Variants in ZNF383 observed in about 807,000 individuals in gnomAD.
The protein encoded by ZNF383 is zinc finger protein 383.
ZNF383 carries 32 observed loss-of-function variants against 44.2 expected under a neutral mutation model. That is an observed-to-expected ratio of 0.72 (90% CI 0.55 to 0.97). ZNF383 has a LOEUF of 0.97. Ranked by LOEUF, ZNF383 falls within the 50% of genes least tolerant of loss-of-function variation. ZNF383 has a pLI of 0.00. For missense variants in ZNF383, 487 were observed against 562.5 expected, an observed-to-expected ratio of 0.87 and a Z score of 1.36; for synonymous variants, 155 against 186.2, an observed-to-expected ratio of 0.83 and a Z score of 1.36.
chr19:37,230,741 A>C (rs1973448535), intron 3 of ZNF383, among the ~76,000 whole-genome samples: 1 of 152,216 alleles, frequency 6.6e-6, no homozygotes, highest in Admixed American at 6.5e-5. Context: ...AATTATCTCA[A>C]GGAAGCAAGA....
chr19:37,245,134 G>A lies in ZNF383; in HGVS notation c.*1470G>A, dbSNP rs12983699. The A allele has an allele frequency of 2.0e-5, 3 of 151,662 alleles. No individual in the cohort carries two copies. The highest frequency in any genetic ancestry group is 1.3e-4 in the Admixed American group (2 of 15,242). The allele number at this position is 151,662 out of a possible 1,614,324, so 9.4% of individuals were successfully genotyped here. On this transcript the variant is annotated 3_prime_UTR_variant, in exon 6 of 6. Coordinates refer to ENST00000684119, the MANE Select transcript of ZNF383 (RefSeq NM_001387601.1). Reference sequence around the variant, plus strand: ...TGAAACCCCGTCTCTACTTAGCTGGGCGTGGTGGCATGTACCTGTAATCCC... The same window carrying A: ...TGAAACCCCGTCTCTACTTAGCTGGACGTGGTGGCATGTACCTGTAATCCC...
chr19:37,242,808 T>G lies in ZNF383; in HGVS notation c.572T>G (p.Ile191Ser), dbSNP rs554647012. 5 of 1,614,116 alleles carry G rather than the reference T, an allele frequency of 3.1e-6. No homozygotes were observed. The highest frequency in any genetic ancestry group is 2.7e-5 in the African/African-American group (2 of 75,046). The change falls in exon 6 of 6, where the codon ATT becomes AGT. Residue 191 changes from isoleucine to serine, a missense_variant. Transcript: ENST00000684119. ...TCACAATTTATTCAACATCAGAGAA[T>G]TCATATTGGTGAAAAATCTTATGAA... is the stretch of plus-strand genomic sequence containing the variant. ...QNSQFIQHQR[I>S]HIGEKSYECK...
intron 2 of ZNF383, among the ~76,000 whole-genome samples, chr19:37,228,238 G>A (rs961036315): frequency 1.3e-5 from 2 of 152,168 alleles, no homozygotes; most frequent in Non-Finnish European, 2.9e-5. Flanking sequence ...CCCAGTCTGG[G>A]CATAACAGAG....
At chr19:37,237,075 G>C (rs950922484) in intron 5 of ZNF383, among the ~76,000 whole-genome samples, 1 of 151,850 alleles carries the variant, frequency 6.6e-6, no homozygotes, top group African/African-American at 2.4e-5. Context: ...TTATCAGACT[G>C]TCTTCAATGT....
intron 3 of ZNF383, among the ~76,000 whole-genome samples, chr19:37,231,690 A>T (rs1255927835): frequency 2.0e-5 from 3 of 152,154 alleles, no homozygotes; most frequent in Non-Finnish European, 4.4e-5. Context: ...CAAACTGATT[A>T]TAGTTGTGTT....
rs370055904 is a variant in ZNF383 at position 37,242,684 on chromosome 19, A to G, written c.448A>G (p.Thr150Ala). The G allele has an allele frequency of 2.1e-5, 34 of 1,613,986 alleles. No homozygotes were observed. The highest frequency in any genetic ancestry group is 2.5e-5 in the Non-Finnish European group (29 of 1,179,854). Residue 150 changes from threonine (T) to alanine (A), a missense_variant, in exon 6 of 6, where the codon ACA becomes GCA. By Grantham distance (58) the Thr-to-Ala change is moderately conservative (BLOSUM62 0). Transcript: ENST00000684119. ...AATATTCACTCCTGAATACATGCCC[A>G]CATTTATTCAACAGACATTCCTTAC... is the stretch of plus-strand genomic sequence containing the variant. ...QEIFTPEYMP[T>A]FIQQTFLTLH...
intron 1 of ZNF383, among the ~76,000 whole-genome samples, chr19:37,223,272 T>C (rs915885756): frequency 6.6e-6 from 1 of 152,234 alleles, no homozygotes; most frequent in Non-Finnish European, 1.5e-5. Flanking sequence ...CAAATGCATA[T>C]GAGACATTTA....
At chr19:37,229,042 T>G (rs1462518579) in intron 2 of ZNF383, among the ~76,000 whole-genome samples, 1 of 152,070 alleles carries the variant, frequency 6.6e-6, no homozygotes, top group African/African-American at 2.4e-5. Flanking sequence ...TAAGTTTTCA[T>G]TAGTTGGCTA....
intron 1 of ZNF383, among the ~76,000 whole-genome samples, chr19:37,220,042 T>C (rs757953868): frequency 2.0e-5 from 3 of 151,932 alleles, no homozygotes; most frequent in Admixed American, 1.3e-4. Flanking sequence ...ATTTAGAAAA[T>C]AGGGAGTTAC....
intron 5 of ZNF383, among the ~76,000 whole-genome samples, chr19:37,241,007 A>G (rs1482075367): frequency 6.6e-6 from 1 of 152,150 alleles, no homozygotes; most frequent in Non-Finnish European, 1.5e-5. Context: ...GGGTTTCACC[A>G]TGCTGGCCAG....
At chr19:37,220,515 G>A (rs1269543822) in intron 1 of ZNF383, among the ~76,000 whole-genome samples, 1 of 150,702 alleles carries the variant, frequency 6.6e-6, no homozygotes, top group Admixed American at 6.6e-5. Flanking sequence ...GCCTCCCAAA[G>A]TGCTGGGTTT....
In ZNF383 at chr19:37,248,521, C is replaced by T. The variant is rs1341567823; in HGVS notation, c.*4857C>T. The T allele has an allele frequency of 6.6e-6, 1 of 152,126 alleles. No homozygotes were observed. Among genetic ancestry groups the T allele is most frequent in the African/African-American group, 2.4e-5 (1 of 41,442 alleles). 9.4% of individuals were successfully genotyped at this position (152,126 alleles called of 1,614,324 possible). On this transcript the variant is annotated 3_prime_UTR_variant, in exon 6 of 6. Coordinates refer to ENST00000684119, the MANE Select transcript of ZNF383 (RefSeq NM_001387601.1). Reference sequence around the variant, plus strand: ...AATTGATTTAGATAAGATTGTATTTCTTAGTGTCTGAACTCAGGAACCAAA... The same window carrying T: ...AATTGATTTAGATAAGATTGTATTTTTTAGTGTCTGAACTCAGGAACCAAA...
chr19:37,240,423 A>G (rs899107925), intron 5 of ZNF383, among the ~76,000 whole-genome samples: 2 of 152,230 alleles, frequency 1.3e-5, no homozygotes, highest in Non-Finnish European at 2.9e-5. Flanking sequence ...ACAGATGAAG[A>G]AATGGTAGCT....
chr19:37,243,202 C>T lies in ZNF383; in HGVS notation c.966C>T (p.Ser322=). Residue 322 remains serine, a synonymous_variant, in exon 6 of 6, where the codon AGC becomes AGT. Transcript: ENST00000684119. ...AATGTGGCAAAGCCTTTACCCAGAG[C>T]TCAAAGCTTGTTCAACATCAGAGAA... is the stretch of plus-strand genomic sequence containing the variant. ...CKECGKAFTQ[S]SKLVQHQRIH... The T allele has an allele frequency of 6.2e-7, 1 of 1,614,198 alleles. No homozygotes were observed. The highest frequency in any genetic ancestry group is 8.5e-7 in the Non-Finnish European group (1 of 1,180,042).
chr19:37,224,588 T>A (rs1200205988), intron 1 of ZNF383, among the ~76,000 whole-genome samples: 7 of 152,108 alleles, frequency 4.6e-5, no homozygotes, highest in Admixed American at 4.6e-4. Context: ...CCTCTCACTC[T>A]GTCACCCAGG....
intron 3 of ZNF383, among the ~76,000 whole-genome samples, chr19:37,232,319 C>T (rs1973536071): frequency 6.6e-6 from 1 of 152,104 alleles, no homozygotes; most frequent in Admixed American, 6.6e-5. Flanking sequence ...GGGATCCACC[C>T]ACCTTCGCAA....
intron 2 of ZNF383, among the ~76,000 whole-genome samples, 176 bp from the exon 3 acceptor site, chr19:37,230,233 T>C (rs1973416548): frequency 6.6e-6 from 1 of 152,204 alleles, no homozygotes; most frequent in African/African-American, 2.4e-5. Flanking sequence ...TTGCTGCAGC[T>C]AAAGCCTGAG....
intron 3 of ZNF383, among the ~76,000 whole-genome samples, chr19:37,235,035 G>A (rs1973711714): frequency 1.3e-5 from 2 of 152,144 alleles, no homozygotes; most frequent in South Asian, 4.1e-4. Flanking sequence ...CACTTTGAGA[G>A]GCTGAGGCGG....
In ZNF383 at chr19:37,246,492, TG is replaced by T. The variant is rs1280914616; in HGVS notation, c.*2831del. ...TACATAAAGAATACCAGTCTGAGGC[TG>T]GGCGCGGTGGCTCACACCTGTAATC... On this transcript the variant is annotated 3_prime_UTR_variant, in exon 6 of 6. Coordinates refer to ENST00000684119, the MANE Select transcript of ZNF383 (RefSeq NM_001387601.1). 6.6e-6 allele frequency: 1 copy of T among 152,070 alleles called. No individual in the cohort carries two copies. The highest frequency in any genetic ancestry group is 2.4e-5 in the African/African-American group (1 of 41,408). 9.4% of individuals were successfully genotyped at this position (152,070 alleles called of 1,614,324 possible).
Sources: gnomAD v4.1 joint callset for allele counts (sites outside exome capture counted in the v4.1 genomes callset) on GRCh38, gnomAD v4.1.1 for gene constraint, MANE v1.5 for transcripts, NCBI Gene and HGNC (gene_info 2026-07-23, HGNC 2026-07-21) for gene names.